Variants in HPSE2 observed in about 807,000 individuals in gnomAD.
HPSE2 encodes the protein heparanase 2 (inactive).
A neutral mutation model predicts 60.5 loss-of-function variants in HPSE2; 38 were observed. That is an observed-to-expected ratio of 0.63 (90% CI 0.48 to 0.82). HPSE2 has a LOEUF of 0.82. Ranked by LOEUF, HPSE2 falls within the 40% of genes least tolerant of loss-of-function variation. The probability of loss-of-function intolerance (pLI) is 0.00; values close to 1 mark genes in which losing one functional copy is unlikely to be tolerated. For synonymous variants in HPSE2, 295 were observed against 293.2 expected (o/e 1.01, Z -0.06); for missense variants, 713 against 740.4 (o/e 0.96, Z 0.43).
chr10:99,041,947 T>C (rs1957749405), intron 3 of HPSE2, among the ~76,000 whole-genome samples: 1 of 152,224 alleles, frequency 6.6e-6, no homozygotes, highest in Non-Finnish European at 1.5e-5. Flanking sequence ...GTTTTCCATA[T>C]GGTTCACTGC....
chr10:99,043,089 C>A lies in HPSE2; in HGVS notation c.610+101149G>T, dbSNP rs376219553. 5.9e-5 allele frequency among the ~76,000 whole-genome samples: 9 copies of A among 152,280 alleles called. No homozygotes were observed. The East Asian group carries it at 1.5e-3, about 26-fold the overall frequency. ...TACACCACAGTTAAAGGGACACCGA[C>A]CCTCCGAAATAAGAAAAAATCAGCG... On this transcript the variant is annotated intron_variant, in intron 3 of 11. Transcript: ENST00000370552.
intron 3 of HPSE2, among the ~76,000 whole-genome samples, chr10:98,868,798 A>G (rs777372116): frequency 1.4e-4 from 22 of 152,152 alleles, no homozygotes; most frequent in Non-Finnish European, 2.5e-4. Context: ...TATTTTTATT[A>G]CAAAGTTCAA....
chr10:99,186,456 T>A (rs148373468), intron 2 of HPSE2, among the ~76,000 whole-genome samples: 2 of 139,416 alleles, frequency 1.4e-5, no homozygotes, highest in Admixed American at 8.2e-5. Flanking sequence ...GGTAGAAGAA[T>A]CGTTTGAACC....
At chr10:98,907,415 T>G (rs1294506239) in intron 3 of HPSE2, among the ~76,000 whole-genome samples, 1 of 152,138 alleles carries the variant, frequency 6.6e-6, no homozygotes, top group African/African-American at 2.4e-5. Flanking sequence ...GCAGGAGGAT[T>G]GCTTGAGCCT....
intron 1 of HPSE2, among the ~76,000 whole-genome samples, chr10:99,233,217 C>A (rs74232625): frequency 4.0e-4 from 1 of 2,518 alleles, no homozygotes; most frequent in Non-Finnish European, 9.1e-4. Flanking sequence ...ACCACCACCA[C>A]CACACACACA....
At chr10:98,904,535 C>G (rs1203247326) in intron 3 of HPSE2, among the ~76,000 whole-genome samples, 1 of 152,138 alleles carries the variant, frequency 6.6e-6, no homozygotes, top group Non-Finnish European at 1.5e-5. Context: ...TCAGTGAGCA[C>G]AATATCTTCT....
intron 3 of HPSE2, among the ~76,000 whole-genome samples, chr10:98,997,737 A>G (rs1214819084): frequency 3.9e-5 from 6 of 152,244 alleles, no homozygotes; most frequent in Admixed American, 3.9e-4. Context: ...CATGCGCACT[A>G]AAGTGCAGCC....
chr10:98,897,099 T>C (rs1456827017), intron 3 of HPSE2, among the ~76,000 whole-genome samples: 1 of 152,112 alleles, frequency 6.6e-6, no homozygotes, highest in East Asian at 1.9e-4. Context: ...AAACCAAATG[T>C]TGTATGTTCT....
intron 3 of HPSE2, among the ~76,000 whole-genome samples, chr10:99,097,763 C>A (rs1051248010): frequency 6.6e-6 from 1 of 152,086 alleles, no homozygotes; most frequent in Non-Finnish European, 1.5e-5. Flanking sequence ...TATAATCCTA[C>A]GAACTAGATA....
chr10:99,019,133 G>A (rs142833132), intron 3 of HPSE2, among the ~76,000 whole-genome samples: 1 of 152,296 alleles, frequency 6.6e-6, no homozygotes, highest in East Asian at 1.9e-4. Context: ...ATCCTCCAAG[G>A]TGACAGGAAA....
chr10:99,301,297 G>A, the HPSE2 span, among the ~76,000 whole-genome samples: 1 of 152,288 alleles, frequency 6.6e-6, no homozygotes, highest in South Asian at 2.1e-4. Flanking sequence ...CTTGCAATAT[G>A]TAGATGACTT....
At chr10:98,588,032 T>C (rs1419716626) in intron 9 of HPSE2, among the ~76,000 whole-genome samples, 1 of 152,252 alleles carries the variant, frequency 6.6e-6, no homozygotes, top group Non-Finnish European at 1.5e-5. Context: ...TCCAAGCTTC[T>C]TCAGAAGGTC....
At chr10:98,694,196 C>T in intron 5 of HPSE2, among the ~76,000 whole-genome samples, 1 of 152,140 alleles carries the variant, frequency 6.6e-6, no homozygotes, top group East Asian at 1.9e-4. Flanking sequence ...CCCAATAAGG[C>T]ATTCTATCTA....
chr10:98,881,594 GAAT>G (rs1271355860), intron 3 of HPSE2, among the ~76,000 whole-genome samples: 2 of 151,966 alleles, frequency 1.3e-5, no homozygotes, highest in African/African-American at 4.8e-5. Flanking sequence ...GGATGTTTTC[GAAT>G]AATAATATAG....
chr10:98,726,870 A>G (rs1589718577), intron 4 of HPSE2, among the ~76,000 whole-genome samples: 1 of 152,052 alleles, frequency 6.6e-6, no homozygotes, highest in African/African-American at 2.4e-5. Flanking sequence ...AAACATCAGA[A>G]GCCATGACTG....
At position 99,232,342 on chromosome 10, in the gene HPSE2, T is replaced by A. The variant is rs1363527535; in HGVS notation, c.448+6A>T. 1 of 1,551,600 alleles carries A rather than the reference T, an allele frequency of 6.4e-7. No homozygotes were observed. Among genetic ancestry groups the A allele is most frequent in the South Asian group, 1.2e-5 (1 of 84,058 alleles). On this transcript the variant is annotated splice_donor_region_variant and intron_variant, in intron 2 of 11. Transcript: ENST00000370552. ...CCAAATAAAGAATGGTAATCAAGTTTCTCACCATCCTCATAGTTTTTGAGA... is the reference window on the plus strand; with the variant it reads ...CCAAATAAAGAATGGTAATCAAGTTACTCACCATCCTCATAGTTTTTGAGA...
intron 3 of HPSE2, among the ~76,000 whole-genome samples, chr10:99,028,636 C>G (rs1374598608): frequency 6.6e-6 from 1 of 151,994 alleles, no homozygotes; most frequent in African/African-American, 2.4e-5. Flanking sequence ...AAAAACAATC[C>G]TAAAATGTAT....
intron 9 of HPSE2, among the ~76,000 whole-genome samples, chr10:98,516,717 T>G (rs490066): frequency 2.6e-5 from 4 of 152,116 alleles, no homozygotes; most frequent in South Asian, 2.1e-4. Context: ...ATTGCCCCCA[T>G]GCTGCCCTGT....
At chr10:98,642,048 A>G in intron 6 of HPSE2, 108 bp from the exon 7 acceptor site, 1 of 904,182 alleles carries the variant, frequency 1.1e-6, no homozygotes, top group South Asian at 1.3e-5. Context: ...CCAGGGTTCC[A>G]CTCGGGCTCT....
Sources: gnomAD v4.1 joint callset for allele counts (sites outside exome capture counted in the v4.1 genomes callset) on GRCh38, gnomAD v4.1.1 for gene constraint, MANE v1.5 for transcripts, NCBI Gene and HGNC (gene_info 2026-07-23, HGNC 2026-07-21) for gene names.